Variants in KALRN observed in about 807,000 individuals in gnomAD.
KALRN encodes kalirin RhoGEF kinase.
Under a neutral mutation model 353.7 loss-of-function variants are expected in KALRN, and 70 were observed. The ratio of observed to expected loss-of-function variants is 0.20; its 90% confidence interval spans 0.16 to 0.24. The LOEUF is 0.24. Among genes scored for constraint, KALRN ranks in the 10% least tolerant of loss-of-function variants. The pLI is 1.00. For missense variants in KALRN, 2,791 were observed against 3,756.7 expected (o/e 0.74, Z 6.72); for synonymous variants, 1,391 against 1,434.8 (o/e 0.97, Z 0.69).
chr3:124,487,243 T>C (rs1298433156), intron 28 of KALRN, among the ~76,000 whole-genome samples: 2 of 152,166 alleles, frequency 1.3e-5, no homozygotes, highest in Non-Finnish European at 2.9e-5. Flanking sequence ...TCATTCCAAG[T>C]GGTCTTATGA....
Position 124,116,370 on chromosome 3 carries a change from A to G in KALRN, c.73+82557A>G, listed in dbSNP as rs2063462088. The stretch of plus-strand genomic sequence containing the variant: ...TTTTTATATTGATTAAGTACTTCCT[A>G]TGTGCCAGGAACTGTCCTAAGTGCT... On this transcript the variant is annotated intron_variant, in intron 1 of 59. Transcript: ENST00000682506. 2.0e-5 allele frequency among the ~76,000 whole-genome samples: 3 copies of G among 152,172 alleles called. No homozygotes were observed. In the South Asian group the frequency reaches 6.2e-4, roughly 32 times the overall value.
At chr3:124,209,492 CAAAAAA>C (rs5852396) in intron 1 of KALRN, among the ~76,000 whole-genome samples, 1 of 70,054 alleles carries the variant, frequency 1.4e-5, no homozygotes, top group South Asian at 7.6e-4. Flanking sequence ...CACTCTGTCT[CAAAAAA>C]AAAAAAAAAA....
intron 34 of KALRN, among the ~76,000 whole-genome samples, chr3:124,568,494 A>G (rs1173211598): frequency 6.6e-6 from 1 of 152,236 alleles, no homozygotes; most frequent in Admixed American, 6.5e-5. Flanking sequence ...TAGCAATCCA[A>G]CATCTGAGTA....
At chr3:124,187,583 G>A (rs1485555633) in intron 1 of KALRN, among the ~76,000 whole-genome samples, 1 of 152,224 alleles carries the variant, frequency 6.6e-6, no homozygotes. Context: ...GGGGCAGAGA[G>A]GAGAGAGGCC....
intron 5 of KALRN, among the ~76,000 whole-genome samples, chr3:124,291,703 A>C (rs1412061058): frequency 6.6e-6 from 1 of 152,146 alleles, no homozygotes; most frequent in Non-Finnish European, 1.5e-5. Context: ...GGTCAGTGAG[A>C]TGTTTGGCAT....
chr3:124,073,042 G>A (rs940917792), intron 1 of KALRN, among the ~76,000 whole-genome samples: 2 of 152,284 alleles, frequency 1.3e-5, no homozygotes, highest in East Asian at 1.9e-4. Context: ...TTCCGATGAC[G>A]GCTTGGCATC....
At chr3:124,410,570 T>A (rs1054200938) in intron 13 of KALRN, among the ~76,000 whole-genome samples, 3 of 152,182 alleles carry the variant, frequency 2.0e-5, no homozygotes, top group African/African-American at 7.2e-5. Flanking sequence ...GATATACAAA[T>A]GGTCAATAAG....
rs1017831694 is a variant in KALRN at position 124,064,208 on chromosome 3, A to G, written c.73+30395A>G. Among the ~76,000 whole-genome samples, 5 of 152,158 alleles carry G rather than the reference A, an allele frequency of 3.3e-5. No homozygotes were observed. The South Asian group carries it at 1.0e-3, about 32-fold the overall frequency. ...CTACAGATCCTGCAGTGGGGTCACC[A>G]CTGGATGCTAAGGAAGCATAAACCA... On this transcript the variant is annotated intron_variant, in intron 1 of 59. Coordinates refer to ENST00000682506, the MANE Select transcript of KALRN (RefSeq NM_001388419.1).
intron 1 of KALRN, among the ~76,000 whole-genome samples, chr3:124,117,544 G>T (rs1408276469): frequency 6.6e-6 from 1 of 152,004 alleles, no homozygotes; most frequent in Non-Finnish European, 1.5e-5. Context: ...TCACTCAGCT[G>T]ATCCTTTTAT....
chr3:124,548,853 C>T (rs926069146), intron 33 of KALRN, among the ~76,000 whole-genome samples: 1 of 152,188 alleles, frequency 6.6e-6, no homozygotes, highest in Non-Finnish European at 1.5e-5. Context: ...GAGGTTTCAT[C>T]ATCTTGGCTA....
At chr3:124,459,495 A>G (rs1416859011) in intron 23 of KALRN, among the ~76,000 whole-genome samples, 1 of 152,214 alleles carries the variant, frequency 6.6e-6, no homozygotes, top group African/African-American at 2.4e-5. Flanking sequence ...CCACTTTCAG[A>G]AAAGTCCTGA....
intron 31 of KALRN, 45 bp downstream of exon 31, chr3:124,491,469 T>C (rs952900904): frequency 7.1e-7 from 1 of 1,411,996 alleles, no homozygotes; most frequent in Admixed American, 2.1e-5. Context: ...TTGGGGATAA[T>C]AGAAGTGGGG....
At chr3:124,676,850 C>T (rs934185832) in intron 49 of KALRN, among the ~76,000 whole-genome samples, 6 of 152,106 alleles carry the variant, frequency 3.9e-5, no homozygotes, top group Non-Finnish European at 5.9e-5. Context: ...ACTTATACAA[C>T]GGTTGGAGCA....
intron 56 of KALRN, 152 bp downstream of exon 56, chr3:124,700,185 C>T: frequency 1.3e-6 from 1 of 768,624 alleles, no homozygotes; most frequent in South Asian, 1.8e-5. Context: ...AGTATAGCTC[C>T]AAGCATCTTG....
intron 3 of KALRN, among the ~76,000 whole-genome samples, chr3:124,244,128 T>C (rs954054441): frequency 3.3e-5 from 5 of 152,240 alleles, no homozygotes; most frequent in Non-Finnish European, 7.3e-5. Context: ...TTTCTTTTAC[T>C]GGAGAAAGTA....
intron 46 of KALRN, 126 bp from the exon 47 acceptor site, chr3:124,666,886 G>A (rs1407098058): frequency 1.0e-6 from 1 of 961,986 alleles, no homozygotes; most frequent in Non-Finnish European, 1.5e-6. Context: ...CCTAAGTACT[G>A]TCCTGCTAGA....
chr3:124,716,801 A>G (rs2063154532), intron 58 of KALRN, among the ~76,000 whole-genome samples: 1 of 152,192 alleles, frequency 6.6e-6, no homozygotes, highest in East Asian at 1.9e-4. Context: ...GTGAGACTTC[A>G]TCTCTAAAAT....
In KALRN at chr3:124,562,834, C is replaced by T. The variant is rs1224502710; in HGVS notation, c.4936-9C>T. 7.4e-7 allele frequency: 1 copy of T among 1,355,514 alleles called. No homozygotes were observed. Among genetic ancestry groups the T allele is most frequent in the Non-Finnish European group, 9.8e-7 (1 of 1,015,786 alleles). The allele number at this position is 1,355,514 out of a possible 1,614,324, so 84.0% of individuals were successfully genotyped here. ...CCTGTTCTACTCCCTCCACCACCAC[C>T]CTCCAAAGCTCTCTGGTGGATGTGA... is the stretch of plus-strand genomic sequence containing the variant. On this transcript the variant is annotated splice_polypyrimidine_tract_variant and intron_variant, in intron 33 of 59. Transcript: ENST00000682506.
rs139960134 is a variant in KALRN, at chr3:124,331,468, A to T, written c.1416+1476A>T. Reference sequence around the variant, plus strand: ...CAATCATTGTACCCAACAAAAATTTAAAAAAATAAAATGAAGGTAATGTAT... The same window carrying T: ...CAATCATTGTACCCAACAAAAATTTTAAAAAATAAAATGAAGGTAATGTAT... On this transcript the variant is annotated intron_variant, in intron 8 of 59. Coordinates refer to ENST00000682506, the MANE Select transcript of KALRN (RefSeq NM_001388419.1). Among the ~76,000 whole-genome samples the T allele has an allele frequency of 1.5e-3, 223 of 152,338 alleles. 1 individual carries two copies. Among genetic ancestry groups the T allele is most frequent in the African/African-American group, 5.1e-3 (210 of 41,582 alleles).
Sources: gnomAD v4.1 joint callset for allele counts (sites outside exome capture counted in the v4.1 genomes callset) on GRCh38, gnomAD v4.1.1 for gene constraint, MANE v1.5 for transcripts, NCBI Gene and HGNC (gene_info 2026-07-23, HGNC 2026-07-21) for gene names.